ZC3H8: variants seen among roughly 807,000 people sequenced by gnomAD.
The protein encoded by ZC3H8 is zinc finger CCCH-type containing 8.
ZC3H8 carries 27 observed loss-of-function variants against 42.5 expected under a neutral mutation model. That is an observed-to-expected ratio of 0.64 (90% confidence interval 0.47 to 0.88). ZC3H8 has a LOEUF of 0.88. ZC3H8 is among the 40% of genes least tolerant of loss of function. The pLI, the probability that ZC3H8 is intolerant of heterozygous loss-of-function variation, is 0.00. For synonymous variants in ZC3H8, 101 were observed against 110.1 expected (o/e 0.92, Z 0.52); for missense variants, 277 against 336.1 (o/e 0.82, Z 1.37).
At chr2:112,242,939 T>C (rs539586041) in intron 2 of ZC3H8, among the ~76,000 whole-genome samples, 20 of 152,372 alleles carry the variant, frequency 1.3e-4, no homozygotes, top group Admixed American at 6.5e-5. Context: ...TAAATCATGA[T>C]TGATTACAGC....
rs1422939244 is a variant in ZC3H8, at chr2:112,236,630, G to A, written c.436C>T (p.Arg146Ter). The change falls in exon 4 of 9, where the codon CGA (arginine) becomes TGA (stop). Residue 146 changes from arginine (R) to a stop codon, truncating the protein, a stop_gained. Coordinates refer to ENST00000409573, the MANE Select transcript of ZC3H8 (RefSeq NM_032494.3). LOFTEE classifies it high-confidence loss of function. The stretch of plus-strand genomic sequence containing the variant: ...TTGTTTCCAGGGCCAGGCCATTTTC[G>A]CTTCATTTTCTTCTGTTTGCCATTC... Reference protein sequence around the residue: ...HKNGKQKKMKRKWPGPGNKGS... With the variant: ...HKNGKQKKMK 2.5e-6 allele frequency: 4 copies of A among 1,613,886 alleles called. No individual in the cohort carries two copies. The highest frequency in any genetic ancestry group is 2.5e-6 in the Non-Finnish European group (3 of 1,179,854).
intron 4 of ZC3H8, among the ~76,000 whole-genome samples, chr2:112,235,097 A>T (rs1451684306): frequency 6.6e-6 from 1 of 152,224 alleles, no homozygotes; most frequent in Non-Finnish European, 1.5e-5. Flanking sequence ...CTCTTCAGAA[A>T]CATAAGGTAC....
intron 5 of ZC3H8, 33 bp from the exon 6 acceptor site, chr2:112,233,404 T>C (rs750068419): frequency 7.4e-7 from 1 of 1,349,528 alleles, no homozygotes; most frequent in East Asian, 2.4e-5. Flanking sequence ...GAAAAGCCAT[T>C]ATTTCTCATA....
chr2:112,252,616 C>G (rs1368359003), intron 1 of ZC3H8, among the ~76,000 whole-genome samples: 1 of 152,138 alleles, frequency 6.6e-6, no homozygotes, highest in Non-Finnish European at 1.5e-5. Flanking sequence ...TCCCCTAACC[C>G]TACCCCAGTA....
At chr2:112,246,177 C>A (rs942590945) in intron 2 of ZC3H8, among the ~76,000 whole-genome samples, 4 of 152,140 alleles carry the variant, frequency 2.6e-5, no homozygotes, top group African/African-American at 9.7e-5. Context: ...AAAAAATATC[C>A]TTTTCAAAAT....
rs1266202065 is a variant in ZC3H8 at position 112,216,482 on chromosome 2, CAG to C, written c.*16-16_*16-15del. 1.3e-5 allele frequency: 2 copies of C among 152,204 alleles called. No individual in the cohort carries two copies. Among genetic ancestry groups the C allele is most frequent in the African/African-American group, 2.4e-5 (1 of 41,444 alleles). 9.4% of individuals were successfully genotyped at this position (152,204 alleles called of 1,614,324 possible). A position where few individuals can be genotyped will look rare whatever the true frequency, so the allele number is the denominator to read the frequency against. ...GTACATTGCTACCTACAGAAGAAAA[CAG>C]AGAACAAAAACACATCAGCTCATGA... On this transcript the variant is annotated splice_polypyrimidine_tract_variant and intron_variant, in intron 8 of 8. Transcript: ENST00000409573.
intron 2 of ZC3H8, among the ~76,000 whole-genome samples, chr2:112,244,723 C>T (rs531434382): frequency 3.8e-4 from 58 of 152,128 alleles, no homozygotes; most frequent in Non-Finnish European, 6.6e-4. Flanking sequence ...TGGTCTTTGA[C>T]GTTACTATTG....
chr2:112,214,427 A>G lies in ZC3H8; in HGVS notation c.*2057T>C, dbSNP rs1684252810. 6.6e-6 allele frequency: 1 copy of G among 151,834 alleles called. No individual in the cohort carries two copies. The highest frequency in any genetic ancestry group is 2.4e-5 in the African/African-American group (1 of 41,306). 9.4% of individuals were successfully genotyped at this position (151,834 alleles called of 1,614,324 possible). A position where few individuals can be genotyped will look rare whatever the true frequency, so the allele number is the denominator to read the frequency against. On this transcript the variant is annotated 3_prime_UTR_variant, in exon 9 of 9. Transcript: ENST00000409573. ...AATCTGTGCAGATTTTTCCCATACA[A>G]CTTTCTGGCTTTATTTCTCCTGGTT...
At chr2:112,233,606 C>T (rs1331697395) in intron 5 of ZC3H8, among the ~76,000 whole-genome samples, 10 of 152,172 alleles carry the variant, frequency 6.6e-5, no homozygotes, top group Non-Finnish European at 1.0e-4. Context: ...CAGTCGCTCA[C>T]GCCTGTAATC....
At chr2:112,245,605 G>A (rs965121403) in intron 2 of ZC3H8, among the ~76,000 whole-genome samples, 3 of 152,198 alleles carry the variant, frequency 2.0e-5, no homozygotes, top group African/African-American at 7.2e-5. Flanking sequence ...AGTGAGCCAA[G>A]GTAATGCCAA....
chr2:112,225,389 G>A (rs981696445), intron 8 of ZC3H8, among the ~76,000 whole-genome samples: 3 of 152,168 alleles, frequency 2.0e-5, no homozygotes, highest in East Asian at 3.9e-4. Context: ...TAGGTAGAAG[G>A]ATTGCTTGAG....
chr2:112,250,286 A>G lies in ZC3H8; in HGVS notation c.75-14T>C. On this transcript the variant is annotated splice_polypyrimidine_tract_variant and intron_variant, in intron 1 of 8. Transcript: ENST00000409573. ...TCATCATCGATTCTGTAGCAAAAATATCAAATAACACAAAAGAGTTTTTTC... is the reference window on the plus strand; with the variant it reads ...TCATCATCGATTCTGTAGCAAAAATGTCAAATAACACAAAAGAGTTTTTTC... The G allele has an allele frequency of 6.5e-7, 1 of 1,537,232 alleles. No homozygotes were observed. The highest frequency in any genetic ancestry group is 8.8e-7 in the Non-Finnish European group (1 of 1,138,778).
chr2:112,247,588 T>C (rs1353873698), intron 2 of ZC3H8, among the ~76,000 whole-genome samples: 1 of 152,108 alleles, frequency 6.6e-6, no homozygotes, highest in Admixed American at 6.5e-5. Flanking sequence ...CAAAAATAAA[T>C]AAGTTAATTA....
Position 112,212,965 on chromosome 2 carries a change from CTTTTTTTTTTTT to C in ZC3H8, c.*3507_*3518del, listed in dbSNP as rs35500593. 1.2e-5 allele frequency: 1 copy of C among 84,918 alleles called. No individual in the cohort carries two copies. The highest frequency in any genetic ancestry group is 2.3e-5 in the Non-Finnish European group (1 of 43,280). The allele number at this position is 84,918 out of a possible 1,614,324, so 5.3% of individuals were successfully genotyped here. On this transcript the variant is annotated 3_prime_UTR_variant, in exon 9 of 9. Transcript: ENST00000409573. Reference sequence around the variant, plus strand: ...CAGCAAGCACAACTCAGAAGAAATGCTTTTTTTTTTTTTTTTTTTTTTTATAAGAGACAAGGC... The same window carrying C: ...CAGCAAGCACAACTCAGAAGAAATGCTTTTTTTTTTTATAAGAGACAAGGC...
intron 2 of ZC3H8, among the ~76,000 whole-genome samples, chr2:112,239,579 C>CTTTTTTTTTT (rs200972008): frequency 8.1e-5 from 7 of 86,482 alleles, no homozygotes; most frequent in Non-Finnish European, 1.1e-4. Context: ...TAACAGTTTA[C>CTTTTTTTTTT]TTTTTTTTTT....
intron 4 of ZC3H8, among the ~76,000 whole-genome samples, chr2:112,235,421 T>C (rs566520303): frequency 9.9e-5 from 15 of 152,154 alleles, no homozygotes; most frequent in South Asian, 2.1e-4. Flanking sequence ...TGACAGGGGG[T>C]TGAGAAACAA....
intron 5 of ZC3H8, 46 bp downstream of exon 5, chr2:112,234,074 G>T: frequency 1.9e-6 from 2 of 1,074,466 alleles, no homozygotes; most frequent in South Asian, 1.6e-5. Flanking sequence ...CAAACAGAAA[G>T]AGCAGTTTTA....
At chr2:112,233,680 A>G (rs541923773) in intron 5 of ZC3H8, among the ~76,000 whole-genome samples, 2 of 152,306 alleles carry the variant, frequency 1.3e-5, no homozygotes, top group South Asian at 4.1e-4. Context: ...ATCCTGGCTA[A>G]CACGGTGAAA....
intron 1 of ZC3H8, among the ~76,000 whole-genome samples, chr2:112,252,645 C>T (rs1685989544): frequency 6.6e-6 from 1 of 152,106 alleles, no homozygotes; most frequent in Admixed American, 6.6e-5. Flanking sequence ...ACTTCCAAGT[C>T]CCTCTTACTC....
Sources: gnomAD v4.1 joint callset for allele counts (sites outside exome capture counted in the v4.1 genomes callset) on GRCh38, gnomAD v4.1.1 for gene constraint, MANE v1.5 for transcripts, NCBI Gene and HGNC (gene_info 2026-07-23, HGNC 2026-07-21) for gene names.